BANK1: variants seen among roughly 807,000 people sequenced by gnomAD.
BANK1 encodes the protein B cell scaffold protein with ankyrin repeats 1, also known as B-cell scaffold protein with ankyrin repeats.
BANK1 carries 95 observed loss-of-function variants against 94.5 expected under a neutral mutation model. The ratio of observed to expected loss-of-function variants is 1.00; its 90% CI spans 0.85 to 1.19. The LOEUF (loss-of-function observed/expected upper bound fraction) is 1.19. Among genes scored for constraint, BANK1 ranks in the 50% most tolerant of loss-of-function variants. BANK1 has a pLI of 0.00. For synonymous variants in BANK1, 334 were observed against 308.4 expected, an observed-to-expected ratio of 1.08 and a Z score of -0.87; for missense variants, 987 against 932.2, an observed-to-expected ratio of 1.06 and a Z score of -0.77.
chr4:101,991,651 C>G (rs1725710834), intron 7 of BANK1, among the ~76,000 whole-genome samples: 1 of 152,148 alleles, frequency 6.6e-6, no homozygotes, highest in Non-Finnish European at 1.5e-5. Flanking sequence ...AGCCTCATGC[C>G]ATAAGGCCCT....
chr4:101,898,901 G>T (rs1265365501), intron 6 of BANK1, among the ~76,000 whole-genome samples: 2 of 151,974 alleles, frequency 1.3e-5, no homozygotes, highest in East Asian at 3.9e-4. Context: ...ATAATATTGG[G>T]ATGAAACCAA....
intron 6 of BANK1, among the ~76,000 whole-genome samples, chr4:101,905,617 A>C (rs1329380698): frequency 6.6e-6 from 1 of 152,096 alleles, no homozygotes; most frequent in Non-Finnish European, 1.5e-5. Flanking sequence ...CAGTTAAAAC[A>C]AGCCCCAGGA....
At chr4:102,043,795 G>T (rs374474223) in intron 10 of BANK1, 44 bp from the exon 11 acceptor site, 352 of 1,332,176 alleles carry the variant, frequency 2.6e-4, no homozygotes, top group Non-Finnish European at 4.0e-5. Flanking sequence ...TGGATTTTTT[G>T]AACGTTTATG....
rs376028157 is a variant in BANK1 at position 102,025,466 on chromosome 4, A to G, written c.1551A>G (p.Val517=). The change falls in exon 9 of 17, where the codon GTA becomes GTG. Residue 517 remains valine, a synonymous_variant. Transcript: ENST00000322953. ...CTCCTCTCCCCCCGCCGCGACCTGT[A>G]GCTAATGCCTTCCAACTGGAAAGAC... ...SRPPLPPPRP[V]ANAFQLERPH... The G allele has an allele frequency of 8.6e-5, 138 of 1,614,006 alleles. No homozygotes were observed. Among genetic ancestry groups the G allele is most frequent in the Non-Finnish European group, 1.1e-4 (135 of 1,180,028 alleles).
At chr4:102,047,606 GA>G (rs1727922528) in intron 11 of BANK1, among the ~76,000 whole-genome samples, 1 of 152,068 alleles carries the variant, frequency 6.6e-6, no homozygotes, top group Non-Finnish European at 1.5e-5. Context: ...CAGAGCTTTG[GA>G]AAGAATGAAG....
chr4:102,004,046 C>T lies in BANK1; in HGVS notation c.1207-17468C>T, dbSNP rs115124195. Among the ~76,000 whole-genome samples the T allele has an allele frequency of 8.9e-4, 135 of 151,942 alleles. 1 individual carries two copies. The highest frequency in any genetic ancestry group is 3.1e-3 in the African/African-American group (128 of 41,418). On this transcript the variant is annotated intron_variant, in intron 7 of 16. Coordinates refer to ENST00000322953, the MANE Select transcript of BANK1 (RefSeq NM_017935.5). ...GTAAAATGACAACCCCAGTCTGGCA[C>T]TGCCTATTCCTTTTTTTTTCCACAG...
chr4:101,823,783 A>C (rs879587978), intron 1 of BANK1, among the ~76,000 whole-genome samples: 3 of 152,236 alleles, frequency 2.0e-5, no homozygotes, highest in African/African-American at 4.8e-5. Flanking sequence ...CTGAATTTGC[A>C]TAAAAATTTT....
At chr4:102,012,058 T>G (rs1211379183) in intron 7 of BANK1, among the ~76,000 whole-genome samples, 1 of 152,202 alleles carries the variant, frequency 6.6e-6, no homozygotes, top group African/African-American at 2.4e-5. Flanking sequence ...TCTTTATTTT[T>G]TTAAATGAGA....
chr4:101,911,429 T>G (rs568571145), intron 6 of BANK1, among the ~76,000 whole-genome samples: 2 of 152,216 alleles, frequency 1.3e-5, no homozygotes, highest in Non-Finnish European at 2.9e-5. Flanking sequence ...AGAAACATTG[T>G]AATTTTTGTT....
At chr4:101,840,238 C>G (rs4339214) in intron 2 of BANK1, among the ~76,000 whole-genome samples, 67,922 of 151,050 alleles carry the variant, frequency 0.45, 16,246 homozygotes, top group African/African-American at 0.63. Flanking sequence ...GAAGTGCTGG[C>G]ATCACAGGCG....
intron 1 of BANK1, among the ~76,000 whole-genome samples, chr4:101,816,603 G>T (rs1725927466): frequency 6.6e-6 from 1 of 150,724 alleles, no homozygotes; most frequent in Non-Finnish European, 1.5e-5. Flanking sequence ...TCCTCATGAG[G>T]TTACAGATGT....
chr4:101,918,097 T>A lies in BANK1; in HGVS notation c.1114T>A (p.Ser372Thr). The A allele has an allele frequency of 6.2e-7, 1 of 1,612,294 alleles. No individual in the cohort carries two copies. Among genetic ancestry groups the A allele is most frequent in the Non-Finnish European group, 8.5e-7 (1 of 1,178,894 alleles). Residue 372 changes from serine (S) to threonine (T), a missense_variant, in exon 7 of 17, where the codon TCT (serine) becomes ACT (threonine). Ser to Thr is a moderately conservative substitution (Grantham distance 58). Coordinates refer to ENST00000322953, the MANE Select transcript of BANK1 (RefSeq NM_017935.5). ...LLQCSGATWA[S>T]KMKNMEGSDP... is the part of the protein sequence containing the mutation. ...TCAATGTTCAGGAGCAACCTGGGCA[T>A]CTAAGATGAAAAATATGGAGGGTTC...
intron 13 of BANK1, among the ~76,000 whole-genome samples, chr4:102,065,781 T>C (rs1309682006): frequency 6.6e-6 from 1 of 152,020 alleles, no homozygotes; most frequent in Non-Finnish European, 1.5e-5. Flanking sequence ...ATATAAAAAT[T>C]AATCAGATGA....
intron 5 of BANK1, among the ~76,000 whole-genome samples, chr4:101,891,858 G>C (rs1721886852): frequency 6.6e-6 from 1 of 151,732 alleles, no homozygotes; most frequent in South Asian, 2.1e-4. Flanking sequence ...CTATTTATTT[G>C]CTGAGAATTT....
chr4:101,939,238 T>A (rs1022710977), intron 7 of BANK1, among the ~76,000 whole-genome samples: 3 of 151,730 alleles, frequency 2.0e-5, no homozygotes, highest in African/African-American at 7.3e-5. Flanking sequence ...TGGAAAGCAA[T>A]CTTTATAGTA....
chr4:101,810,375 G>T (rs1725699670), intron 1 of BANK1, among the ~76,000 whole-genome samples: 2 of 152,120 alleles, frequency 1.3e-5, no homozygotes, highest in Admixed American at 1.3e-4. Context: ...CTAAACACAT[G>T]TGGGCTATGC....
chr4:101,936,408 T>C (rs1285003923), intron 7 of BANK1, among the ~76,000 whole-genome samples: 3 of 150,260 alleles, frequency 2.0e-5, no homozygotes, highest in Non-Finnish European at 3.0e-5. Flanking sequence ...TATATGTGCG[T>C]ATGCATGTAT....
intron 13 of BANK1, among the ~76,000 whole-genome samples, chr4:102,066,075 AC>A (rs1405176834): frequency 7.9e-5 from 12 of 152,184 alleles, no homozygotes; most frequent in African/African-American, 2.9e-4. Context: ...ACTTTTAAAA[AC>A]CAAACTTAGC....
chr4:102,069,810 C>A (rs184773564), intron 13 of BANK1, among the ~76,000 whole-genome samples: 2 of 152,100 alleles, frequency 1.3e-5, no homozygotes, highest in African/African-American at 2.4e-5. Context: ...ATTATAACAA[C>A]AATATAAATG....
Sources: gnomAD v4.1 joint callset for allele counts (sites outside exome capture counted in the v4.1 genomes callset) on GRCh38, gnomAD v4.1.1 for gene constraint, MANE v1.5 for transcripts, NCBI Gene and HGNC (gene_info 2026-07-23, HGNC 2026-07-21) for gene names.